The following PNPLA7 variants were observed in gnomAD, a reference collection of about 807,000 sequenced individuals.
PNPLA7 encodes the protein patatin-like phospholipase domain-containing protein 7.
A neutral mutation model predicts 161.7 loss-of-function variants in PNPLA7; 153 were observed. That is an observed-to-expected ratio of 0.95 (90% CI 0.83 to 1.08). The LOEUF (loss-of-function observed/expected upper bound fraction) is 1.08. PNPLA7 is among the 50% of genes least tolerant of loss of function. The probability of loss-of-function intolerance (pLI) is 0.00; values close to 1 mark genes in which losing one functional copy is unlikely to be tolerated. For missense variants in PNPLA7, 1,739 were observed against 1,856.6 expected, an observed-to-expected ratio of 0.94 and a Z score of 1.16; for synonymous variants, 809 against 782.1, an observed-to-expected ratio of 1.03 and a Z score of -0.57.
chr9:137,522,817 G>A lies in PNPLA7; in HGVS notation c.788C>T (p.Ala263Val). The change falls in exon 9 of 35, where the codon GCC becomes GTC. Residue 263 changes from alanine (A) to valine (V), a missense_variant. Physicochemically the swap from Ala to Val is moderately conservative, Grantham distance 64. Transcript: ENST00000406427. Reference sequence around the variant, plus strand: ...AAGCCGGAGGATGGTGGACGGGATGGCCGCGCGGACGGAGACCGTTTTGTA... The same window carrying A: ...AAGCCGGAGGATGGTGGACGGGATGACCGCGCGGACGGAGACCGTTTTGTA... ...APYKTVSVRA[A>V]IPSTILRLPA... 1.2e-6 allele frequency: 2 copies of A among 1,613,746 alleles called. No homozygotes were observed. The highest frequency in any genetic ancestry group is 8.5e-7 in the Non-Finnish European group (1 of 1,179,970).
rs971781629 is a variant in PNPLA7, at chr9:137,523,823, G to A, written c.748-966C>T. The stretch of plus-strand genomic sequence containing the variant: ...TTTTTTGAATTTTTAGTAGAGACAG[G>A]GTTTCACTGTGTTAGCCAGGAGGGT... On this transcript the variant is annotated intron_variant, in intron 8 of 34. Coordinates refer to ENST00000406427, the MANE Select transcript of PNPLA7 (RefSeq NM_001098537.3). This position sits in a 1 kb window ranked among gnomAD's most constrained non-coding sequence, Gnocchi z 4.4. Among the ~76,000 whole-genome samples, 2 of 152,060 alleles carry A rather than the reference G, an allele frequency of 1.3e-5. No individual in the cohort carries two copies. Among genetic ancestry groups the A allele is most frequent in the East Asian group, 3.9e-4 (2 of 5,182 alleles).
intron 25 of PNPLA7, among the ~76,000 whole-genome samples, chr9:137,475,797 G>A (rs1450457437): frequency 6.6e-6 from 1 of 152,080 alleles, no homozygotes; most frequent in African/African-American, 2.4e-5. Context: ...AAAGACAATG[G>A]AACCATGCCT....
At chr9:137,501,113 C>T (rs1833384273) in intron 15 of PNPLA7, among the ~76,000 whole-genome samples, 4 of 152,300 alleles carry the variant, frequency 2.6e-5, no homozygotes, top group Non-Finnish European at 5.9e-5. Flanking sequence ...TCAAGGGCTC[C>T]GTGCAGCGAG....
chr9:137,460,531 G>T (rs1831125887), intron 34 of PNPLA7, 55 bp from the exon 35 acceptor site: 2 of 1,602,056 alleles, frequency 1.2e-6, no homozygotes, highest in East Asian at 2.2e-5. Context: ...GGGCTCTGCA[G>T]CGCTGGTAAC....
chr9:137,464,484 G>A (rs1017800234), intron 26 of PNPLA7, 28 bp from the exon 27 acceptor site: 2 of 1,594,562 alleles, frequency 1.3e-6, no homozygotes, highest in East Asian at 2.2e-5. Flanking sequence ...ATTTACAGAA[G>A]GCTTCCACCC....
Position 137,500,247 on chromosome 9 carries a change from C to T in PNPLA7, c.1757+444G>A, listed in dbSNP as rs1005907442. Among the ~76,000 whole-genome samples, 1 of 152,254 alleles carries T rather than the reference C, an allele frequency of 6.6e-6. No individual in the cohort carries two copies. Among genetic ancestry groups the T allele is most frequent in the East Asian group, 1.9e-4 (1 of 5,190 alleles). Reference sequence around the variant, plus strand: ...CCCCGAGCCAGAGACGCGTCCTCACCCACTGCCTTGCCCTTCCACCTCCGC... The same window carrying T: ...CCCCGAGCCAGAGACGCGTCCTCACTCACTGCCTTGCCCTTCCACCTCCGC... On this transcript the variant is annotated intron_variant, in intron 16 of 34. Transcript: ENST00000406427. The surrounding 1 kb of genome is among the most constrained non-coding windows in gnomAD (Gnocchi z 5.5).
chr9:137,541,560 C>CT lies in PNPLA7; in HGVS notation c.667-839_667-838insA. On this transcript the variant is annotated intron_variant, in intron 7 of 34. Transcript: ENST00000406427. This position sits in a 1 kb window ranked among gnomAD's most constrained non-coding sequence, Gnocchi z 4.4. ...GGTCAGGGTGATGATCACACAAAGC[C>CT]CAGGGTTTGCTGAGTGCGTGCTTTA... 1.1e-6 allele frequency: 1 copy of CT among 931,666 alleles called. No individual in the cohort carries two copies. The highest frequency in any genetic ancestry group is 1.3e-6 in the Non-Finnish European group (1 of 780,986). 57.7% of individuals were successfully genotyped at this position (931,666 alleles called of 1,614,324 possible).
At position 137,543,480 on chromosome 9, in the gene PNPLA7, T is replaced by C. The variant is rs764983829; in HGVS notation, c.458A>G (p.Lys153Arg). ...AACTTCCGATGGCAGGTGAGAATTC[T>C]TCACGTCAAACTCCGTGAGGTCGGC... ...LEADLTEFDVKNSHLPSEVLY... is the reference protein window; with the variant it reads ...LEADLTEFDVRNSHLPSEVLY... The change falls in exon 6 of 35, where the codon AAG becomes AGG. Residue 153 changes from lysine (K) to arginine (R), a missense_variant. Physicochemically the swap from Lys to Arg is conservative, Grantham distance 26 (BLOSUM62 2). Coordinates refer to ENST00000406427, the MANE Select transcript of PNPLA7 (RefSeq NM_001098537.3). This position sits in a 1 kb window ranked among gnomAD's most constrained non-coding sequence, Gnocchi z 6.9. 8.1e-6 allele frequency: 13 copies of C among 1,614,008 alleles called. No homozygotes were observed. Among genetic ancestry groups the C allele is most frequent in the Admixed American group, 1.7e-5 (1 of 60,010 alleles).
intron 8 of PNPLA7, among the ~76,000 whole-genome samples, chr9:137,526,760 AT>A (rs1169053943): frequency 6.6e-6 from 1 of 152,174 alleles, no homozygotes; most frequent in African/African-American, 2.4e-5. Flanking sequence ...CTAATTCTTC[AT>A]TGCTAATATA....
intron 18 of PNPLA7, among the ~76,000 whole-genome samples, chr9:137,495,859 G>C (rs1833027844): frequency 6.6e-6 from 1 of 152,230 alleles, no homozygotes; most frequent in Non-Finnish European, 1.5e-5. Context: ...GGTGGATGGA[G>C]CTGGAACCAC....
intron 29 of PNPLA7, chr9:137,463,073 C>G: frequency 1.6e-6 from 1 of 624,236 alleles, no homozygotes; most frequent in South Asian, 2.1e-5. Context: ...GGCCTGGCCC[C>G]CAGCAAGCTC....
At chr9:137,519,593 C>G (rs927352557) in intron 11 of PNPLA7, among the ~76,000 whole-genome samples, 2 of 152,086 alleles carry the variant, frequency 1.3e-5, no homozygotes, top group Non-Finnish European at 2.9e-5. Context: ...TGAGGACATC[C>G]AGCCCGCATG....
At chr9:137,462,929 G>T in intron 29 of PNPLA7, 96 bp from the exon 30 acceptor site, 1 of 1,521,940 alleles carries the variant, frequency 6.6e-7, no homozygotes, top group Non-Finnish European at 8.9e-7. Context: ...CGTGGGGGTT[G>T]TGGGGTCTCC....
In PNPLA7 at chr9:137,460,654, C is replaced by G; in HGVS notation, c.3925G>C (p.Ala1309Pro). The G allele has an allele frequency of 6.2e-7, 1 of 1,612,694 alleles. No homozygotes were observed. The highest frequency in any genetic ancestry group is 2.2e-5 in the East Asian group (1 of 44,886). The change falls in exon 34 of 35, where the codon GCC (alanine) becomes CCC (proline). Residue 1309 changes from alanine (A) to proline (P), a missense_variant. By Grantham distance (27) the Ala-to-Pro change is conservative. Transcript: ENST00000406427. Reference protein sequence around the residue: ...DAYADFQSTSAQQGSDLEDES... With the variant: ...DAYADFQSTSPQQGSDLEDES... ...CTCACCAAGTCTGAGCCCTGCTGGGCTGAGGTGCTCTGGAAGTCTGCGTAT... is the reference window on the plus strand; with the variant it reads ...CTCACCAAGTCTGAGCCCTGCTGGGGTGAGGTGCTCTGGAAGTCTGCGTAT...
chr9:137,539,421 C>T (rs1836070882), intron 8 of PNPLA7, among the ~76,000 whole-genome samples: 1 of 152,158 alleles, frequency 6.6e-6, no homozygotes, highest in African/African-American at 2.4e-5. Flanking sequence ...CCTGTAATCC[C>T]AGCATTTTGG....
At chr9:137,544,093 A>G (rs776709706) in intron 4 of PNPLA7, among the ~76,000 whole-genome samples, 10 of 152,092 alleles carry the variant, frequency 6.6e-5, no homozygotes, top group Non-Finnish European at 1.2e-4. Context: ...CGCTGCCCCG[A>G]AGGCTGACAC....
In PNPLA7 at chr9:137,543,918, C is replaced by T. The variant is rs1836350283; in HGVS notation, c.274-103G>A. 2.1e-6 allele frequency: 2 copies of T among 938,880 alleles called. No individual in the cohort carries two copies. The highest frequency in any genetic ancestry group is 3.2e-5 in the African/African-American group (2 of 61,542). The allele number at this position is 938,880 out of a possible 1,614,324, so 58.2% of individuals were successfully genotyped here. A position where few individuals can be genotyped will look rare whatever the true frequency, so the allele number is the denominator to read the frequency against. Reference sequence around the variant, plus strand: ...TCAGGACCTGCCTGTGGGCCTCCCACAGTCCCAGCTTCAGCTCCTGGGGTC... The same window carrying T: ...TCAGGACCTGCCTGTGGGCCTCCCATAGTCCCAGCTTCAGCTCCTGGGGTC... On this transcript the variant is annotated intron_variant, in intron 4 of 34. Transcript: ENST00000406427. The surrounding 1 kb of genome is among the most constrained non-coding windows in gnomAD (Gnocchi z 6.9).
At position 137,484,594 on chromosome 9, in the gene PNPLA7, G is replaced by T. The variant is rs756565279; in HGVS notation, c.2340C>A (p.Ser780Arg). 3 of 1,606,910 alleles carry T rather than the reference G, an allele frequency of 1.9e-6. No homozygotes were observed. Among genetic ancestry groups the T allele is most frequent in the Non-Finnish European group, 2.6e-6 (3 of 1,175,912 alleles). Residue 780 changes from serine to arginine, a missense_variant, in exon 21 of 35, where the codon AGC becomes AGA. Around this residue, in one of 6 missense-constraint regions of PNPLA7, gnomAD observed 192 missense variants for 249.5 expected, o/e 0.77. Coordinates refer to ENST00000406427, the MANE Select transcript of PNPLA7 (RefSeq NM_001098537.3). ...AFALELEHALSAIGPTLLLTS... is the reference protein window; with the variant it reads ...AFALELEHALRAIGPTLLLTS... ...TGGGAGGCTCAGGCTTACCGATGGC[G>T]CTGAGGGCATGCTCCAGCTCCAGGG...
chr9:137,477,045 G>A (rs1012966956), intron 25 of PNPLA7, among the ~76,000 whole-genome samples: 4 of 152,234 alleles, frequency 2.6e-5, no homozygotes, highest in Non-Finnish European at 5.9e-5. Flanking sequence ...GGAGATGGGA[G>A]GGGCTGCCGG....
Sources: gnomAD v4.1 joint callset for allele counts (sites outside exome capture counted in the v4.1 genomes callset) on GRCh38, gnomAD v4.1.1 for gene constraint, gnomAD v4.1.1 regional missense constraint, Gnocchi (gnomAD v3.1) non-coding constraint, MANE v1.5 for transcripts, NCBI Gene and HGNC (gene_info 2026-07-23, HGNC 2026-07-21) for gene names.